Variants in NANS observed in about 807,000 individuals in gnomAD.
NANS encodes the protein N-acetylneuraminate-9-phosphate synthase.
Under a neutral mutation model 33.3 loss-of-function variants are expected in NANS, and 29 were observed. That is an observed-to-expected ratio of 0.87 (90% CI 0.65 to 1.19). NANS has a LOEUF of 1.19. NANS is among the 50% of genes most tolerant of loss of function. The probability of loss-of-function intolerance (pLI) is 0.00; values close to 1 mark genes in which losing one functional copy is unlikely to be tolerated. For synonymous variants in NANS, 163 were observed against 177.2 expected, an observed-to-expected ratio of 0.92 and a Z score of 0.64; for missense variants, 394 against 461.1, an observed-to-expected ratio of 0.85 and a Z score of 1.33.
chr9:98,061,111 C>T, intron 2 of NANS, 114 bp downstream of exon 2: 2 of 1,012,730 alleles, frequency 2.0e-6, no homozygotes, highest in Non-Finnish European at 3.0e-6. Context: ...TTTCTGTTCC[C>T]AGCTACTGGA....
chr9:98,061,331 G>A (rs538230810), intron 2 of NANS: 21 of 269,100 alleles, frequency 7.8e-5, no homozygotes, highest in Admixed American at 3.2e-4. Flanking sequence ...ACAAAAATTA[G>A]CTGGGCATGG....
At chr9:98,068,488 A>C (rs753844269) in intron 2 of NANS, among the ~76,000 whole-genome samples, 2 of 151,370 alleles carry the variant, frequency 1.3e-5, no homozygotes, top group Non-Finnish European at 2.9e-5. Flanking sequence ...CCACAATGTG[A>C]TATCACTGCA....
intron 2 of NANS, among the ~76,000 whole-genome samples, chr9:98,073,149 A>C (rs1829418590): frequency 6.6e-6 from 1 of 151,900 alleles, no homozygotes; most frequent in South Asian, 2.1e-4. Context: ...CCTTCCCTCC[A>C]GCACCTGCCT....
At chr9:98,068,227 C>T (rs145096254) in intron 2 of NANS, among the ~76,000 whole-genome samples, 45 of 152,232 alleles carry the variant, frequency 3.0e-4, no homozygotes, top group African/African-American at 5.8e-4. Context: ...CTCCAACTCC[C>T]GGGTTCAAGC....
rs561441545 is a variant in NANS, at chr9:98,078,055, C to T, written c.449-138C>T. 1.6e-3 allele frequency: 2,126 copies of T among 1,301,832 alleles called. 9 individuals are homozygous for T. The highest frequency in any genetic ancestry group is 2.2e-3 in the Non-Finnish European group (2,044 of 950,548). The allele number at this position is 1,301,832 out of a possible 1,614,324, so 80.6% of individuals were successfully genotyped here. Reference sequence around the variant, plus strand: ...AACCCAACAAGCTCCTCTCTGTTCCCCCACAGGGGCTGGCACAGTGTTTTA... The same window carrying T: ...AACCCAACAAGCTCCTCTCTGTTCCTCCACAGGGGCTGGCACAGTGTTTTA... On this transcript the variant is annotated intron_variant, in intron 3 of 5. Coordinates refer to ENST00000210444, the MANE Select transcript of NANS (RefSeq NM_018946.4).
At position 98,065,174 on chromosome 9, in the gene NANS, C is replaced by T. The variant is rs150128634; in HGVS notation, c.348+4177C>T. ...TTGTGTTAATCCTTCTGGGCGTACT[C>T]ACAGCCCAGGAGAGTTTCTGAGATT... On this transcript the variant is annotated intron_variant, in intron 2 of 5. Transcript: ENST00000210444. 4.6e-5 allele frequency among the ~76,000 whole-genome samples: 7 copies of T among 152,234 alleles called. No homozygotes were observed. The East Asian group carries it at 1.4e-3, about 29-fold the overall frequency.
At chr9:98,073,434 A>G (rs868015056) in intron 2 of NANS, among the ~76,000 whole-genome samples, 23 of 150,834 alleles carry the variant, frequency 1.5e-4, no homozygotes, top group Middle Eastern at 3.4e-3. Flanking sequence ...ACAGACACAC[A>G]CCAACACGCC....
At chr9:98,075,861 G>C (rs774875948) in intron 2 of NANS, 4 of 152,112 alleles carry the variant, frequency 2.6e-5, no homozygotes, top group Non-Finnish European at 5.9e-5. Context: ...GGAAAGAAAT[G>C]ATAATAAAAA....
At chr9:98,082,383 G>A (rs180759999) in intron 5 of NANS, among the ~76,000 whole-genome samples, 1 of 152,152 alleles carries the variant, frequency 6.6e-6, no homozygotes, top group Non-Finnish European at 1.5e-5. Flanking sequence ...CACCCACCCT[G>A]TATGGGCCTC....
intron 2 of NANS, among the ~76,000 whole-genome samples, chr9:98,071,304 T>C (rs1829329710): frequency 1.3e-5 from 2 of 152,194 alleles, no homozygotes; most frequent in African/African-American, 2.4e-5. Flanking sequence ...CACACCCTGC[T>C]GTGTGGCCCA....
intron 2 of NANS, among the ~76,000 whole-genome samples, chr9:98,068,580 G>C (rs1463062414): frequency 6.6e-6 from 1 of 151,608 alleles, no homozygotes; most frequent in Non-Finnish European, 1.5e-5. Flanking sequence ...TTGGGAAGCT[G>C]AGGTAGGAGG....
intron 2 of NANS, among the ~76,000 whole-genome samples, chr9:98,067,782 T>G (rs1829191494): frequency 6.6e-6 from 1 of 151,762 alleles, no homozygotes; most frequent in African/African-American, 2.4e-5. Context: ...TGCAGAGTGG[T>G]GCAATATCGG....
chr9:98,059,487 T>C (rs888682045), intron 1 of NANS, among the ~76,000 whole-genome samples: 4 of 152,172 alleles, frequency 2.6e-5, no homozygotes, highest in African/African-American at 9.7e-5. Flanking sequence ...CCATCATAGC[T>C]CATTGCCACC....
intron 2 of NANS, among the ~76,000 whole-genome samples, chr9:98,072,022 C>T (rs1490028392): frequency 6.6e-6 from 1 of 152,206 alleles, no homozygotes; most frequent in African/African-American, 2.4e-5. Context: ...CCTTGGTTTT[C>T]CTTCCCTCTG....
chr9:98,081,123 T>C (rs2118029694), intron 5 of NANS, 41 bp downstream of exon 5: 1 of 1,608,198 alleles, frequency 6.2e-7, no homozygotes, highest in African/African-American at 1.3e-5. Flanking sequence ...CTGCCGTGTG[T>C]GGAAAAAGGA....
intron 2 of NANS, among the ~76,000 whole-genome samples, chr9:98,072,018 T>G (rs765606514): frequency 7.2e-5 from 11 of 152,164 alleles, no homozygotes; most frequent in Non-Finnish European, 1.6e-4. Flanking sequence ...TCCTCCTTGG[T>G]TTTCCTTCCC....
intron 2 of NANS, among the ~76,000 whole-genome samples, chr9:98,073,408 C>G (rs151149926): frequency 6.6e-6 from 1 of 150,704 alleles, no homozygotes; most frequent in African/African-American, 2.4e-5. Flanking sequence ...CCTTAGCCTC[C>G]CGAGTAGCTG....
chr9:98,078,612 G>A (rs554407875), intron 4 of NANS, among the ~76,000 whole-genome samples: 11 of 152,176 alleles, frequency 7.2e-5, no homozygotes, highest in African/African-American at 2.6e-4. Flanking sequence ...GAGGTGGGCA[G>A]ATCACCTGAG....
chr9:98,074,360 CA>C, intron 2 of NANS, among the ~76,000 whole-genome samples: 1 of 152,184 alleles, frequency 6.6e-6, no homozygotes, highest in Non-Finnish European at 1.5e-5. Context: ...CATGGAACCC[CA>C]GATAGAGGGA....
Sources: gnomAD v4.1 joint callset for allele counts (sites outside exome capture counted in the v4.1 genomes callset) on GRCh38, gnomAD v4.1.1 for gene constraint, MANE v1.5 for transcripts, NCBI Gene and HGNC (gene_info 2026-07-23, HGNC 2026-07-21) for gene names.